Variants in CEP350 observed in about 807,000 individuals in gnomAD.
The protein encoded by CEP350 is centrosomal protein 350, also known as centrosome-associated protein 350.
In CEP350, 126 loss-of-function variants were observed where a neutral mutation model predicts 331.8. The ratio of observed to expected loss-of-function variants is 0.38; its 90% confidence interval spans 0.33 to 0.44. The LOEUF (loss-of-function observed/expected upper bound fraction) is 0.44. CEP350 is among the 20% of genes least tolerant of loss of function. CEP350 has a pLI of 1.00. For synonymous variants in CEP350, 1,200 were observed against 1,259.5 expected (o/e 0.95, Z 1.00); for missense variants, 3,406 against 3,634.6 (o/e 0.94, Z 1.62).
chr1:180,093,988 A>T lies in CEP350; in HGVS notation c.7883A>T (p.Asn2628Ile). ...PSVNDIEASV[N>I]RSRSLKIETD... Reference sequence around the variant, plus strand: ...GTGAATGATATAGAAGCCTCAGTTAATAGAAGTAGAAGCCTTAAAATAGAA... The same window carrying T: ...GTGAATGATATAGAAGCCTCAGTTATTAGAAGTAGAAGCCTTAAAATAGAA... Residue 2628 changes from asparagine to isoleucine, a missense_variant, in exon 34 of 38, where the codon AAT becomes ATT. Around this residue, in one of 5 missense-constraint regions of CEP350, gnomAD observed 1,415 missense variants for 1,512.3 expected, o/e 0.94. Transcript: ENST00000367607. 1 of 1,613,890 alleles carries T rather than the reference A, an allele frequency of 6.2e-7. No homozygotes were observed. Among genetic ancestry groups the T allele is most frequent in the Non-Finnish European group, 8.5e-7 (1 of 1,179,828 alleles).
At chr1:180,072,237 G>A (rs748042098) in intron 27 of CEP350, among the ~76,000 whole-genome samples, 4 of 151,740 alleles carry the variant, frequency 2.6e-5, no homozygotes, top group African/African-American at 4.8e-5. Flanking sequence ...TAGTTATTTC[G>A]TTCCTCATTC....
At chr1:180,000,049 G>A (rs1252380425) in intron 6 of CEP350, among the ~76,000 whole-genome samples, 1 of 152,104 alleles carries the variant, frequency 6.6e-6, no homozygotes, top group Non-Finnish European at 1.5e-5. Flanking sequence ...ATGGACATAA[G>A]TAAGTGCACA....
intron 31 of CEP350, chr1:180,085,701 T>G (rs1192923129): frequency 6.6e-6 from 1 of 152,230 alleles, no homozygotes; most frequent in Admixed American, 6.5e-5. Context: ...TCAAGCTAAT[T>G]GGTTTCCTTG....
chr1:180,044,249 T>C (rs1185622004), intron 21 of CEP350, 76 bp downstream of exon 21: 5 of 1,350,378 alleles, frequency 3.7e-6, no homozygotes, highest in African/African-American at 1.5e-5. Flanking sequence ...CTTTCTTTGA[T>C]TTCTTAATCT....
At chr1:180,021,072 G>T in intron 12 of CEP350, 63 bp downstream of exon 12, 1 of 1,371,218 alleles carries the variant, frequency 7.3e-7, no homozygotes, top group Non-Finnish European at 9.6e-7. Context: ...TATAATTTCT[G>T]TATGAGATAT....
rs1177079935 is a variant in CEP350 at position 179,997,043 on chromosome 1, T to C, written c.886T>C (p.Ser296Pro). 1 of 1,613,782 alleles carries C rather than the reference T, an allele frequency of 6.2e-7. No homozygotes were observed. Among genetic ancestry groups the C allele is most frequent in the African/African-American group, 1.3e-5 (1 of 74,888 alleles). Residue 296 changes from serine (S) to proline (P), a missense_variant, in exon 6 of 38, where the codon TCA (serine) becomes CCA (proline). Physicochemically the swap from Ser to Pro is moderately conservative, Grantham distance 74 (BLOSUM62 -1). Transcript: ENST00000367607. ...KERIRKQWEH[S>P]EETNGRGQKL... ...ACGGATTAGAAAACAGTGGGAACACTCAGAAGAAACAAATGGCCGGGGCCA... is the reference window on the plus strand; with the variant it reads ...ACGGATTAGAAAACAGTGGGAACACCCAGAAGAAACAAATGGCCGGGGCCA...
At chr1:180,037,317 GT>G (rs1656425428) in intron 17 of CEP350, among the ~76,000 whole-genome samples, 1 of 150,874 alleles carries the variant, frequency 6.6e-6, no homozygotes, top group Admixed American at 6.6e-5. Context: ...TGTTTTCCAT[GT>G]TTTCTGCTTT....
intron 26 of CEP350, among the ~76,000 whole-genome samples, chr1:180,062,799 C>T (rs1037288327): frequency 1.3e-5 from 2 of 152,170 alleles, no homozygotes; most frequent in African/African-American, 4.8e-5. Context: ...TTCAAAAGTT[C>T]TACCTCTCAA....
chr1:180,101,056 T>C (rs996150094), intron 37 of CEP350, among the ~76,000 whole-genome samples: 1 of 152,186 alleles, frequency 6.6e-6, no homozygotes, highest in Non-Finnish European at 1.5e-5. Flanking sequence ...CTAACAGTTA[T>C]CAGAAATTCT....
chr1:180,020,229 A>G lies in CEP350; in HGVS notation c.2455A>G (p.Lys819Glu), dbSNP rs1479394890. The change falls in exon 12 of 38, where the codon AAG becomes GAG. Residue 819 changes from lysine (K) to glutamate (E), a missense_variant. Transcript: ENST00000367607. ...ALLKPSASQY[K>E]SKLDRIEALK... ...GTTAAAACCTAGTGCCAGCCAATAT[A>G]AGAGTAAACTGGATCGTATTGAAGC... 3 of 1,613,928 alleles carry G rather than the reference A, an allele frequency of 1.9e-6. No individual in the cohort carries two copies. Among genetic ancestry groups the G allele is most frequent in the African/African-American group, 2.7e-5 (2 of 74,952 alleles).
chr1:180,102,957 G>A (rs940771081), intron 37 of CEP350, among the ~76,000 whole-genome samples: 3 of 152,236 alleles, frequency 2.0e-5, no homozygotes, highest in African/African-American at 7.2e-5. Context: ...GGGTTAAGGA[G>A]TGGAAAGTTT....
Position 180,031,417 on chromosome 1 carries a change from C to G in CEP350, c.3648C>G (p.Ser1216Arg), listed in dbSNP as rs747133669. The change falls in exon 15 of 38, where the codon AGC (serine) becomes AGG (arginine). Residue 1216 changes from serine (S) to arginine (R), a missense_variant. Ser to Arg is a moderately radical substitution (Grantham distance 110). Coordinates refer to ENST00000367607, the MANE Select transcript of CEP350 (RefSeq NM_014810.5). ...AAGGAAAGAAATCTGGGACCAGCAG[C>G]AAACTTTCTGTTAAAGATTTTGAGC... is the stretch of plus-strand genomic sequence containing the variant. The part of the protein sequence containing the change: ...SHQGKKSGTS[S>R]KLSVKDFEQT... 6.2e-7 allele frequency: 1 copy of G among 1,604,924 alleles called. No individual in the cohort carries two copies. The highest frequency in any genetic ancestry group is 1.7e-5 in the Admixed American group (1 of 59,234).
rs547243958 is a variant in CEP350 at position 180,072,697 on chromosome 1, T to C, written c.5568-2325T>C. ...GAAGGGGAAATGAAATACTAAGTTA[T>C]ATGTGAGGAAACAGACATTAAAATA... On this transcript the variant is annotated intron_variant, in intron 27 of 37. Transcript: ENST00000367607. Among the ~76,000 whole-genome samples, 7 of 152,292 alleles carry C rather than the reference T, an allele frequency of 4.6e-5. No homozygotes were observed. The East Asian group carries it at 1.3e-3, about 29-fold the overall frequency.
chr1:180,093,447 A>G lies in CEP350; in HGVS notation c.7342A>G (p.Ser2448Gly), dbSNP rs758784145. 8.1e-6 allele frequency: 13 copies of G among 1,604,604 alleles called. No homozygotes were observed. The highest frequency in any genetic ancestry group is 4.5e-5 in the South Asian group (4 of 89,596). ...CLSEKSLSIH[S>G]NVHSDRLLEL... Reference sequence around the variant, plus strand: ...AAGTGAGAAAAGCCTTTCTATCCATAGCAATGTTCATTCTGACAGGCTGTT... The same window carrying G: ...AAGTGAGAAAAGCCTTTCTATCCATGGCAATGTTCATTCTGACAGGCTGTT... Residue 2448 changes from serine to glycine, a missense_variant, in exon 34 of 38, where the codon AGC (serine) becomes GGC (glycine). By Grantham distance (56) the Ser-to-Gly change is moderately conservative. Coordinates refer to ENST00000367607, the MANE Select transcript of CEP350 (RefSeq NM_014810.5).
intron 34 of CEP350, among the ~76,000 whole-genome samples, chr1:180,094,822 A>G (rs1043633091): frequency 1.3e-5 from 2 of 152,084 alleles, no homozygotes; most frequent in Admixed American, 6.5e-5. Flanking sequence ...ATTGTCCTCT[A>G]TTATGTCATG....
At chr1:180,050,673 C>CAAAA (rs4058356) in intron 22 of CEP350, among the ~76,000 whole-genome samples, 1 of 84,040 alleles carries the variant, frequency 1.2e-5, no homozygotes, top group South Asian at 3.6e-4. Flanking sequence ...CCAAAAAAAC[C>CAAAA]AAAAAAAAAA....
At chr1:179,962,393 GT>G (rs1382605316) in intron 1 of CEP350, among the ~76,000 whole-genome samples, 1 of 151,876 alleles carries the variant, frequency 6.6e-6, no homozygotes, top group African/African-American at 2.4e-5. Flanking sequence ...CTAATCTACT[GT>G]TTTTTGTTTG....
chr1:180,053,657 A>G (rs1356942649), intron 23 of CEP350, 93 bp from the exon 24 acceptor site: 4 of 678,686 alleles, frequency 5.9e-6, no homozygotes, highest in Non-Finnish European at 9.6e-6. Flanking sequence ...TGTTAAATAC[A>G]TAGTTTGTTT....
intron 1 of CEP350, among the ~76,000 whole-genome samples, chr1:179,963,888 T>C (rs1286257427): frequency 6.6e-6 from 1 of 152,164 alleles, no homozygotes; most frequent in Non-Finnish European, 1.5e-5. Context: ...TTGATGGGAA[T>C]AGAATTTTTG....
Sources: allele counts gnomAD v4.1 joint callset (sites outside exome capture counted in the v4.1 genomes callset), GRCh38; gene constraint gnomAD v4.1.1; regional missense constraint gnomAD v4.1.1; transcripts MANE v1.5; gene names NCBI Gene and HGNC (gene_info 2026-07-23, HGNC 2026-07-21).